RPA3: variants seen among roughly 807,000 people sequenced by gnomAD.
RPA3 encodes the protein replication protein A 14 kDa subunit.
A neutral mutation model predicts 13.7 loss-of-function variants in RPA3; 24 were observed. The ratio of observed to expected loss-of-function variants is 1.75; its 90% CI spans 1.27 to 2.46. RPA3 has a LOEUF of 2.46. Ranked by LOEUF, RPA3 falls within the 30% of genes most tolerant of loss-of-function variation. The pLI is 0.00. For synonymous variants in RPA3, 59 were observed against 51.2 expected, an observed-to-expected ratio of 1.15 and a Z score of -0.65; for missense variants, 183 against 151.0, an observed-to-expected ratio of 1.21 and a Z score of -1.11.
chr7:7,648,343 C>T (rs1785145449), intron 4 of RPA3, among the ~76,000 whole-genome samples: 2 of 152,158 alleles, frequency 1.3e-5, no homozygotes, highest in South Asian at 2.1e-4. Context: ...TGTGGCCCTT[C>T]TGTTATTTGT....
chr7:7,702,851 C>G (rs149978302), intron 2 of RPA3, among the ~76,000 whole-genome samples: 1 of 152,086 alleles, frequency 6.6e-6, no homozygotes, highest in Non-Finnish European at 1.5e-5. Flanking sequence ...ACAAGTCAAC[C>G]AGTTTGTTTG....
chr7:7,653,310 G>A (rs1785269204), intron 4 of RPA3, among the ~76,000 whole-genome samples: 1 of 152,124 alleles, frequency 6.6e-6, no homozygotes, highest in Admixed American at 6.6e-5. Flanking sequence ...TAATTTAGAT[G>A]ACTCAAGATG....
chr7:7,665,175 C>T (rs1322279705), intron 4 of RPA3, among the ~76,000 whole-genome samples: 2 of 152,110 alleles, frequency 1.3e-5, no homozygotes, highest in African/African-American at 4.8e-5. Context: ...ACCATGTTGC[C>T]TAATCCTTTT....
chr7:7,638,048 A>T, intron 6 of RPA3, 76 bp from the exon 7 acceptor site: 1 of 1,035,830 alleles, frequency 9.7e-7, no homozygotes, highest in South Asian at 1.4e-5. Flanking sequence ...ACTGTTATAC[A>T]GGTTACTAAT....
At chr7:7,640,218 C>G in intron 5 of RPA3, 102 bp downstream of exon 5, 1 of 1,210,042 alleles carries the variant, frequency 8.3e-7, no homozygotes, top group Non-Finnish European at 1.2e-6. Context: ...GTCGGGGGCG[C>G]AGTGATCGGA....
chr7:7,643,620 G>A (rs1187786410), intron 4 of RPA3, among the ~76,000 whole-genome samples: 1 of 151,980 alleles, frequency 6.6e-6, no homozygotes, highest in African/African-American at 2.4e-5. Flanking sequence ...GCTGAGGCAG[G>A]AGAATGGCGT....
At chr7:7,645,735 C>A (rs1453816705) in intron 4 of RPA3, among the ~76,000 whole-genome samples, 6 of 151,830 alleles carry the variant, frequency 4.0e-5, no homozygotes. Context: ...TTGAACCAAG[C>A]TCACATTCTT....
At chr7:7,665,480 A>G (rs1034781202) in intron 4 of RPA3, among the ~76,000 whole-genome samples, 5 of 152,222 alleles carry the variant, frequency 3.3e-5, no homozygotes, top group Non-Finnish European at 7.3e-5. Flanking sequence ...ATTGTGAACT[A>G]AAACTTACAT....
rs28912723 is a variant in RPA3, at chr7:7,691,461, G to C, written c.-1027-4133C>G. Among the ~76,000 whole-genome samples, 681 of 152,230 alleles carry C rather than the reference G, an allele frequency of 4.5e-3. 7 individuals carry two copies. The highest frequency in any genetic ancestry group is 0.016 in the African/African-American group (655 of 41,534). On this transcript the variant is annotated intron_variant, in intron 2 of 7. Coordinates refer to ENST00000223129, the MANE Select transcript of RPA3 (RefSeq NM_002947.5). ...TTGTATGATAGAATTTAAAATATCA[G>C]TATTTACTACTGTCCTGCAAAGAGC...
At chr7:7,664,098 A>G (rs550814221) in intron 4 of RPA3, among the ~76,000 whole-genome samples, 1 of 152,214 alleles carries the variant, frequency 6.6e-6, no homozygotes, top group African/African-American at 2.4e-5. Context: ...TCTTGCTATT[A>G]TTTAAAACCT....
intron 1 of RPA3, among the ~76,000 whole-genome samples, chr7:7,716,811 T>C (rs114327387): frequency 0.049 from 7,409 of 152,086 alleles, 599 homozygotes; most frequent in African/African-American, 0.17. Flanking sequence ...GCGGGCATGG[T>C]GGCGGGCGCC....
intron 4 of RPA3, among the ~76,000 whole-genome samples, chr7:7,671,180 C>G (rs1779596489): frequency 6.6e-6 from 1 of 152,206 alleles, no homozygotes; most frequent in Non-Finnish European, 1.5e-5. Flanking sequence ...TTGTTGGTTT[C>G]TTATCTACTT....
intron 4 of RPA3, among the ~76,000 whole-genome samples, chr7:7,661,779 G>A (rs1034371426): frequency 1.6e-4 from 25 of 152,152 alleles, no homozygotes; most frequent in Admixed American, 1.6e-3. Context: ...CAGGAGACAT[G>A]GGTGTCAGGG....
chr7:7,668,851 C>G (rs1003627327), intron 4 of RPA3, among the ~76,000 whole-genome samples: 3 of 152,118 alleles, frequency 2.0e-5, no homozygotes, highest in African/African-American at 7.2e-5. Context: ...AGCTTAAGCC[C>G]TCAAGGCCTC....
intron 2 of RPA3, among the ~76,000 whole-genome samples, chr7:7,692,032 A>G (rs1455167787): frequency 6.6e-6 from 1 of 152,218 alleles, no homozygotes; most frequent in Non-Finnish European, 1.5e-5. Flanking sequence ...CTAAGCTTCT[A>G]CACATAGTAC....
intron 4 of RPA3, among the ~76,000 whole-genome samples, chr7:7,643,557 A>G (rs549751968): frequency 6.6e-6 from 1 of 152,172 alleles, no homozygotes; most frequent in Non-Finnish European, 1.5e-5. Flanking sequence ...CTAAATATAC[A>G]AAAAAGTATC....
chr7:7,638,896 G>A, intron 6 of RPA3, 174 bp downstream of exon 6: 2 of 426,698 alleles, frequency 4.7e-6, no homozygotes, highest in Non-Finnish European at 8.3e-6. Flanking sequence ...GGTTAAAAAT[G>A]TAAAAGGAAA....
intron 2 of RPA3, among the ~76,000 whole-genome samples, chr7:7,699,916 A>G (rs768473810): frequency 5.3e-5 from 8 of 152,244 alleles, no homozygotes; most frequent in Admixed American, 2.6e-4. Flanking sequence ...TTCATAGATT[A>G]TAGCCAGAAA....
At chr7:7,655,404 T>A (rs1465778358) in intron 4 of RPA3, among the ~76,000 whole-genome samples, 3 of 152,056 alleles carry the variant, frequency 2.0e-5, no homozygotes, top group Non-Finnish European at 4.4e-5. Flanking sequence ...CAAGAAAAAA[T>A]AAAATAAATT....
Sources: allele counts gnomAD v4.1 joint callset (sites outside exome capture counted in the v4.1 genomes callset), GRCh38; gene constraint gnomAD v4.1.1; transcripts MANE v1.5; gene names NCBI Gene and HGNC (gene_info 2026-07-23, HGNC 2026-07-21).